Variants in PAGE2B observed in about 807,000 individuals in gnomAD.
PAGE2B encodes putative G antigen family E member 3.
In PAGE2B, 5 loss-of-function variants were observed where a neutral mutation model predicts 7.6. The ratio of observed to expected loss-of-function variants is 0.66; its 90% CI spans 0.34 to 1.38. The LOEUF (loss-of-function observed/expected upper bound fraction) is 1.38. Ranked by LOEUF, PAGE2B falls within the 40% of genes most tolerant of loss-of-function variation. The pLI, the probability that PAGE2B is intolerant of heterozygous loss-of-function variation, is 0.04. For synonymous variants in PAGE2B, 29 were observed against 26.7 expected (o/e 1.09, Z -0.27); for missense variants, 70 against 78.4 (o/e 0.89, Z 0.41).
the PAGE2B span, among the ~76,000 whole-genome samples, chrX:55,048,597 C>G: frequency 1.8e-5 from 2 of 111,515 alleles, no homozygotes; most frequent in East Asian, 5.6e-4. Flanking sequence ...CATGATTTGG[C>G]TCTCTGTTTG....
chrX:55,075,961 T>C, intron 1 of PAGE2B, 73 bp from the exon 2 acceptor site: 1 of 975,486 alleles, frequency 1.0e-6, no homozygotes, highest in Non-Finnish European at 1.4e-6. Flanking sequence ...AAATCACCAT[T>C]TTGCCATGGA....
At chrX:55,077,572 G>T (rs1247234354) in intron 4 of PAGE2B, 48 bp downstream of exon 4, 4 of 1,205,376 alleles carry the variant, frequency 3.3e-6, no homozygotes, top group Non-Finnish European at 4.5e-6. Context: ...TATTTTCACA[G>T]TATTTTGTGT....
At chrX:55,048,698 A>T in the PAGE2B span, among the ~76,000 whole-genome samples, 1 of 111,407 alleles carries the variant, frequency 9.0e-6, no homozygotes, top group Non-Finnish European at 1.9e-5. Flanking sequence ...GCTTAAGGAG[A>T]TTTTGGGCTG....
the PAGE2B span, among the ~76,000 whole-genome samples, chrX:55,034,008 C>T: frequency 8.9e-6 from 1 of 111,889 alleles, no homozygotes. Context: ...AAGATTTTTT[C>T]CTACATTTTA....
the PAGE2B span, among the ~76,000 whole-genome samples, chrX:55,031,641 C>G: frequency 9.0e-6 from 1 of 111,443 alleles, no homozygotes; most frequent in Non-Finnish European, 1.9e-5. Context: ...TGATAATTAC[C>G]CAACTAGAAA....
chrX:55,076,413 T>C (rs1285726979), intron 2 of PAGE2B, among the ~76,000 whole-genome samples, 156 bp from the exon 3 acceptor site: 4 of 108,973 alleles, frequency 3.7e-5, no homozygotes, highest in Non-Finnish European at 7.6e-5. Flanking sequence ...TATATGTATG[T>C]ATATACGTAT....
chrX:55,071,945 G>A (rs1307804952), upstream of PAGE2B, among the ~76,000 whole-genome samples: 2 of 111,638 alleles, frequency 1.8e-5, no homozygotes, highest in African/African-American at 6.5e-5. Context: ...CTTCTAGTTC[G>A]CAGTTCCTGT....
chrX:55,035,370 A>G, the PAGE2B span, among the ~76,000 whole-genome samples: 1 of 112,091 alleles, frequency 8.9e-6, no homozygotes, highest in Non-Finnish European at 1.9e-5. Context: ...AGGAAACACT[A>G]CAGAGCACAG....
At chrX:55,054,198 G>T in the PAGE2B span, among the ~76,000 whole-genome samples, 1 of 109,530 alleles carries the variant, frequency 9.1e-6, no homozygotes, top group Admixed American at 9.7e-5. Context: ...GACAGAGTGA[G>T]ACTCCATCTT....
At chrX:55,030,452 A>C in the PAGE2B span, among the ~76,000 whole-genome samples, 1 of 111,422 alleles carries the variant, frequency 9.0e-6, no homozygotes, top group Non-Finnish European at 1.9e-5. Context: ...GCTCTGACCC[A>C]CTGAGCTCTG....
chrX:55,076,415 T>C (rs1471846060), intron 2 of PAGE2B, among the ~76,000 whole-genome samples, 154 bp from the exon 3 acceptor site: 1 of 108,971 alleles, frequency 9.2e-6, no homozygotes, highest in Non-Finnish European at 1.9e-5. Flanking sequence ...TATGTATGTA[T>C]ATACGTATGT....
At chrX:55,040,162 C>T in the PAGE2B span, among the ~76,000 whole-genome samples, 1 of 108,168 alleles carries the variant, frequency 9.2e-6, no homozygotes, top group African/African-American at 3.4e-5. Flanking sequence ...TATTATTATA[C>T]TTTAAGTTCT....
the PAGE2B span, among the ~76,000 whole-genome samples, chrX:55,047,324 A>G: frequency 1.8e-5 from 2 of 111,848 alleles, no homozygotes; most frequent in Non-Finnish European, 3.8e-5. Context: ...AATCCAGTCT[A>G]TCATTGTTGG....
intron 1 of PAGE2B, among the ~76,000 whole-genome samples, chrX:55,075,596 C>T (rs1936501489): frequency 9.0e-6 from 1 of 111,051 alleles, no homozygotes; most frequent in African/African-American, 3.3e-5. Flanking sequence ...AATTTCTCAC[C>T]TCCGCCATGG....
At chrX:55,031,445 G>A in the PAGE2B span, among the ~76,000 whole-genome samples, 12 of 111,787 alleles carry the variant, frequency 1.1e-4, no homozygotes, top group East Asian at 2.8e-3. Flanking sequence ...TATGGAAAAC[G>A]CATACCACAG....
chrX:55,073,376 T>A (rs1936468396), upstream of PAGE2B, among the ~76,000 whole-genome samples: 1 of 110,922 alleles, frequency 9.0e-6, no homozygotes, highest in East Asian at 2.8e-4. Flanking sequence ...TCACCCTCCA[T>A]GGGCTGCACC....
At chrX:55,036,496 A>G in the PAGE2B span, among the ~76,000 whole-genome samples, 19 of 111,372 alleles carry the variant, frequency 1.7e-4, no homozygotes, top group African/African-American at 6.2e-4. Flanking sequence ...ATTTATTGAG[A>G]GTTTTTAGCA....
chrX:55,062,212 C>T, the PAGE2B span, among the ~76,000 whole-genome samples: 6 of 111,750 alleles, frequency 5.4e-5, no homozygotes, highest in South Asian at 2.2e-3. Context: ...TACATAGCCA[C>T]CAACAGTGCA....
At chrX:55,037,309 C>T in the PAGE2B span, among the ~76,000 whole-genome samples, 2 of 112,100 alleles carry the variant, frequency 1.8e-5, no homozygotes, top group African/African-American at 6.5e-5. Context: ...AAATGCTCAT[C>T]ATCACTGGCC....
Sources: allele counts gnomAD v4.1 joint callset (sites outside exome capture counted in the v4.1 genomes callset), GRCh38; gene constraint gnomAD v4.1.1; transcripts MANE v1.5; gene names NCBI Gene and HGNC (gene_info 2026-07-23, HGNC 2026-07-21).